CNTN1: variants seen among roughly 807,000 people sequenced by gnomAD.
The protein encoded by CNTN1 is contactin-1.
In CNTN1, 38 loss-of-function variants were observed where a neutral mutation model predicts 126.4. The ratio of observed to expected loss-of-function variants is 0.30; its 90% CI spans 0.23 to 0.39. The LOEUF is 0.39. Ranked by LOEUF, CNTN1 falls within the 10% of genes least tolerant of loss-of-function variation. The pLI, the probability that CNTN1 is intolerant of heterozygous loss-of-function variation, is 1.00. For missense variants in CNTN1, 1,009 were observed against 1,248.4 expected, an observed-to-expected ratio of 0.81 and a Z score of 2.89; for synonymous variants, 413 against 422.6, an observed-to-expected ratio of 0.98 and a Z score of 0.28.
At chr12:40,949,421 C>T (rs553587013) in intron 14 of CNTN1, among the ~76,000 whole-genome samples, 72 of 140,674 alleles carry the variant, frequency 5.1e-4, no homozygotes, top group Non-Finnish European at 9.6e-4. Context: ...TATCCCTACC[C>T]CCCCTCCCCC....
chr12:40,754,913 A>G (rs1041689916), intron 1 of CNTN1, among the ~76,000 whole-genome samples: 20 of 152,132 alleles, frequency 1.3e-4, no homozygotes, highest in African/African-American at 4.3e-4. Context: ...CATTTAAAAA[A>G]ATTTCTTGGT....
chr12:41,031,712 C>T (rs1173543958), intron 23 of CNTN1, among the ~76,000 whole-genome samples: 1 of 152,040 alleles, frequency 6.6e-6, no homozygotes, highest in Non-Finnish European at 1.5e-5. Flanking sequence ...TAATGGACAA[C>T]ATTCTTATTG....
intron 1 of CNTN1, among the ~76,000 whole-genome samples, chr12:40,746,557 T>C (rs1020736707): frequency 6.6e-6 from 1 of 152,058 alleles, no homozygotes; most frequent in South Asian, 2.1e-4. Flanking sequence ...AATAGGTAAC[T>C]TGAAGGAAAA....
intron 1 of CNTN1, among the ~76,000 whole-genome samples, chr12:40,896,599 T>C (rs897333067): frequency 6.6e-6 from 1 of 152,232 alleles, no homozygotes; most frequent in Non-Finnish European, 1.5e-5. Flanking sequence ...GTGTTCTATT[T>C]ATTGTCCATT....
chr12:40,960,741 T>C (rs1476216851), intron 15 of CNTN1, among the ~76,000 whole-genome samples: 2 of 152,084 alleles, frequency 1.3e-5, no homozygotes, highest in African/African-American at 2.4e-5. Context: ...ATCTGGGACA[T>C]TGATTGTTTT....
chr12:40,919,314 A>AT (rs1403862545), intron 4 of CNTN1, among the ~76,000 whole-genome samples: 1 of 152,044 alleles, frequency 6.6e-6, no homozygotes, highest in African/African-American at 2.4e-5. Flanking sequence ...ACCTCTTACT[A>AT]TTTTTCTGGG....
At chr12:40,928,668 T>C (rs751244506) in intron 6 of CNTN1, among the ~76,000 whole-genome samples, 2 of 152,122 alleles carry the variant, frequency 1.3e-5, no homozygotes, top group Non-Finnish European at 2.9e-5. Flanking sequence ...CTTGATGTTG[T>C]ATTTTGCTGG....
At chr12:40,836,584 G>A (rs561517721) in intron 1 of CNTN1, among the ~76,000 whole-genome samples, 1 of 152,218 alleles carries the variant, frequency 6.6e-6, no homozygotes, top group South Asian at 2.1e-4. Context: ...TACAATAAGT[G>A]CATATAAATT....
rs1254622922 is a variant in CNTN1 at position 41,071,603 on chromosome 12, A to C, written c.*1568A>C. On this transcript the variant is annotated 3_prime_UTR_variant, in exon 24 of 24. Coordinates refer to ENST00000551295, the MANE Select transcript of CNTN1 (RefSeq NM_001843.4). ...ACTATATATCGATGTGTAAATGTTT[A>C]GAGTCTTCATTATGAAAATATCAAT... The C allele has an allele frequency of 6.6e-6, 1 of 152,166 alleles. No homozygotes were observed. 9.4% of individuals were successfully genotyped at this position (152,166 alleles called of 1,614,324 possible). A position where few individuals can be genotyped will look rare whatever the true frequency, so the allele number is the denominator to read the frequency against.
intron 17 of CNTN1, among the ~76,000 whole-genome samples, chr12:40,993,683 C>T (rs935703062): frequency 5.3e-5 from 8 of 152,122 alleles, no homozygotes; most frequent in Admixed American, 2.0e-4. Flanking sequence ...TTCTGTGTCT[C>T]TCTCGAACTC....
At chr12:41,065,245 C>T (rs774550412) in intron 23 of CNTN1, among the ~76,000 whole-genome samples, 6 of 152,030 alleles carry the variant, frequency 3.9e-5, no homozygotes, top group Non-Finnish European at 8.8e-5. Flanking sequence ...TTAGTAGAAA[C>T]GGGGTTTCAC....
intron 1 of CNTN1, among the ~76,000 whole-genome samples, chr12:40,695,738 A>G (rs544806232): frequency 2.6e-5 from 4 of 152,240 alleles, no homozygotes; most frequent in African/African-American, 4.8e-5. Context: ...TGACACCACA[A>G]TGCTCTGATA....
chr12:40,824,613 AAGAT>A (rs1025728783), intron 1 of CNTN1, among the ~76,000 whole-genome samples: 2 of 152,166 alleles, frequency 1.3e-5, no homozygotes, highest in Non-Finnish European at 2.9e-5. Context: ...AACCTAAAGA[AAGAT>A]AGATATTTAA....
At chr12:40,747,982 A>T (rs1393114924) in intron 1 of CNTN1, among the ~76,000 whole-genome samples, 1 of 152,162 alleles carries the variant, frequency 6.6e-6, no homozygotes, top group Non-Finnish European at 1.5e-5. Flanking sequence ...AGAGAGACCC[A>T]CATTGTGGAG....
intron 1 of CNTN1, chr12:40,895,889 C>T (rs1944393922): frequency 6.6e-6 from 1 of 151,598 alleles, no homozygotes; most frequent in East Asian, 1.9e-4. Context: ...TCCCGAGTAG[C>T]TGGGACTACA....
At chr12:40,850,630 G>A (rs563255183) in intron 1 of CNTN1, among the ~76,000 whole-genome samples, 14 of 151,838 alleles carry the variant, frequency 9.2e-5, no homozygotes, top group South Asian at 4.2e-4. Flanking sequence ...ATTATTCAGC[G>A]ATGATATTAA....
At chr12:40,819,611 G>C (rs1941379333) in intron 1 of CNTN1, among the ~76,000 whole-genome samples, 1 of 152,290 alleles carries the variant, frequency 6.6e-6, no homozygotes, top group South Asian at 2.1e-4. Context: ...AGCATGTTAG[G>C]CATTGTAGGT....
intron 1 of CNTN1, among the ~76,000 whole-genome samples, chr12:40,742,822 C>G (rs770008968): frequency 1.3e-5 from 2 of 151,952 alleles, no homozygotes; most frequent in East Asian, 3.9e-4. Context: ...ATCAAATATG[C>G]CAGGCACTGA....
intron 1 of CNTN1, among the ~76,000 whole-genome samples, chr12:40,781,438 T>C (rs1939799066): frequency 6.6e-6 from 1 of 152,034 alleles, no homozygotes; most frequent in Admixed American, 6.6e-5. Flanking sequence ...CTCTATTGAG[T>C]ATGTGTCAGA....
Sources: allele counts gnomAD v4.1 joint callset (sites outside exome capture counted in the v4.1 genomes callset), GRCh38; gene constraint gnomAD v4.1.1; transcripts MANE v1.5; gene names NCBI Gene and HGNC (gene_info 2026-07-23, HGNC 2026-07-21).